RALGAPA1: variants seen among roughly 807,000 people sequenced by gnomAD.
RALGAPA1 encodes the protein ral GTPase-activating protein subunit alpha-1.
A neutral mutation model predicts 269.6 loss-of-function variants in RALGAPA1; 52 were observed. That is an observed-to-expected ratio of 0.19 (90% CI 0.15 to 0.24). The LOEUF is 0.24. Among genes scored for constraint, RALGAPA1 ranks in the 10% least tolerant of loss-of-function variants. The probability of loss-of-function intolerance (pLI) is 1.00; values close to 1 mark genes in which losing one functional copy is unlikely to be tolerated. For missense variants in RALGAPA1, 1,917 were observed against 3,013.9 expected, an observed-to-expected ratio of 0.64 and a Z score of 8.52; for synonymous variants, 817 against 1,008.3, an observed-to-expected ratio of 0.81 and a Z score of 3.60.
intron 16 of RALGAPA1, among the ~76,000 whole-genome samples, chr14:35,717,966 G>A (rs570887754): frequency 6.6e-6 from 1 of 152,072 alleles, no homozygotes; most frequent in Admixed American, 6.6e-5. Context: ...AAAAGCCCTA[G>A]AGCATATTCC....
At chr14:35,696,887 A>G (rs1412731177) in intron 17 of RALGAPA1, among the ~76,000 whole-genome samples, 1 of 152,188 alleles carries the variant, frequency 6.6e-6, no homozygotes, top group Non-Finnish European at 1.5e-5. Flanking sequence ...CCCTTCATAC[A>G]GTTCACTTTC....
chr14:35,714,839 CATTTGAAAGTTTGGTCAGTACACAATTCT>C lies in RALGAPA1; in HGVS notation c.2266+6820_2266+6848del, dbSNP rs1382360539. Among the ~76,000 whole-genome samples, 3 of 152,250 alleles carry C rather than the reference CATTTGAAAGTTTGGTCAGTACACAATTCT, an allele frequency of 2.0e-5. No homozygotes were observed. The East Asian group carries it at 5.8e-4, about 29-fold the overall frequency. On this transcript the variant is annotated intron_variant, in intron 16 of 41. Transcript: ENST00000680220. ...AAGCTTTTGTCTTTGTTTTACCCTC[CATTTGAAAGTTTGGTCAGTACACAATTCT>C]ATAATGATAGTTATTTTTCCTTAGC...
At chr14:35,725,996 C>T (rs2069872088) in intron 13 of RALGAPA1, among the ~76,000 whole-genome samples, 1 of 152,176 alleles carries the variant, frequency 6.6e-6, no homozygotes, top group African/African-American at 2.4e-5. Flanking sequence ...ACTGATACTT[C>T]AAAACTTGAT....
At chr14:35,625,925 C>T (rs1489884757) in intron 34 of RALGAPA1, among the ~76,000 whole-genome samples, 1 of 152,108 alleles carries the variant, frequency 6.6e-6, no homozygotes, top group African/African-American at 2.4e-5. Flanking sequence ...TAAATATGTA[C>T]AAATTATTTT....
chr14:35,799,663 C>G (rs147368699), intron 1 of RALGAPA1, among the ~76,000 whole-genome samples: 1 of 151,250 alleles, frequency 6.6e-6, no homozygotes, highest in East Asian at 1.9e-4. Context: ...TCAACTAATT[C>G]AAAAGAAGGG....
At chr14:35,604,710 C>T (rs1325022097) in intron 36 of RALGAPA1, among the ~76,000 whole-genome samples, 8 of 151,974 alleles carry the variant, frequency 5.3e-5, no homozygotes, top group Non-Finnish European at 1.2e-4. Flanking sequence ...GATACAATTT[C>T]CAGTGTACTA....
intron 16 of RALGAPA1, chr14:35,706,688 T>C (rs909710397): frequency 6.7e-6 from 1 of 149,020 alleles, no homozygotes; most frequent in Admixed American, 6.8e-5. Context: ...GGCACAATCA[T>C]GGCTCACTGC....
At chr14:35,648,465 CAA>C (rs11463848) in intron 31 of RALGAPA1, among the ~76,000 whole-genome samples, 16 of 122,324 alleles carry the variant, frequency 1.3e-4, no homozygotes, top group Non-Finnish European at 1.1e-4. Context: ...AACTCCATCT[CAA>C]AAAAAAAAAA....
chr14:35,767,815 C>G (rs1418954316), intron 4 of RALGAPA1, among the ~76,000 whole-genome samples: 2 of 151,970 alleles, frequency 1.3e-5, no homozygotes, highest in African/African-American at 2.4e-5. Context: ...TTTTTTTACT[C>G]AGGCTAAAAG....
At chr14:35,766,552 C>A in intron 4 of RALGAPA1, 1 of 914,976 alleles carries the variant, frequency 1.1e-6, no homozygotes, top group Non-Finnish European at 1.8e-6. Context: ...TCGAGTATAG[C>A]AAGATCTGAT....
intron 12 of RALGAPA1, among the ~76,000 whole-genome samples, chr14:35,732,065 A>G (rs2070526354): frequency 6.6e-6 from 1 of 152,226 alleles, no homozygotes; most frequent in African/African-American, 2.4e-5. Context: ...GCTAGAAGGG[A>G]TTGGAGCCTT....
At chr14:35,570,434 G>A (rs956103600) in intron 39 of RALGAPA1, among the ~76,000 whole-genome samples, 183 bp downstream of exon 39, 1 of 151,996 alleles carries the variant, frequency 6.6e-6, no homozygotes, top group African/African-American at 2.4e-5. Flanking sequence ...ACCAAGGTGG[G>A]ACAATCATTT....
At chr14:35,793,648 A>G (rs992191489) in intron 1 of RALGAPA1, among the ~76,000 whole-genome samples, 9 of 152,154 alleles carry the variant, frequency 5.9e-5, no homozygotes, top group African/African-American at 2.2e-4. Flanking sequence ...TTTTAACCAA[A>G]CACAACAACA....
chr14:35,576,418 A>T (rs2057562548), intron 37 of RALGAPA1, among the ~76,000 whole-genome samples: 1 of 152,200 alleles, frequency 6.6e-6, no homozygotes, highest in African/African-American at 2.4e-5. Context: ...GATTATCTTT[A>T]AGCTTATGAA....
At chr14:35,546,625 G>A (rs2054484546) in intron 41 of RALGAPA1, among the ~76,000 whole-genome samples, 1 of 151,950 alleles carries the variant, frequency 6.6e-6, no homozygotes, top group Non-Finnish European at 1.5e-5. Context: ...CATAGGGTGT[G>A]CACAGGATAT....
At chr14:35,740,025 T>C (rs2071401453) in intron 11 of RALGAPA1, among the ~76,000 whole-genome samples, 1 of 152,144 alleles carries the variant, frequency 6.6e-6, no homozygotes, top group South Asian at 2.1e-4. Flanking sequence ...TAAAAATATT[T>C]TCAAGGTTTC....
intron 37 of RALGAPA1, among the ~76,000 whole-genome samples, chr14:35,586,986 T>A (rs558086251): frequency 3.0e-4 from 46 of 152,350 alleles, no homozygotes; most frequent in African/African-American, 1.1e-3. Flanking sequence ...TAAAATGAGT[T>A]AGGGAGGATT....
intron 12 of RALGAPA1, 86 bp downstream of exon 12, chr14:35,738,427 T>C: frequency 1.0e-6 from 1 of 956,066 alleles, no homozygotes. Flanking sequence ...TTTATTATAT[T>C]GTGAAAAGTA....
At chr14:35,608,907 G>A (rs1199753890) in intron 35 of RALGAPA1, among the ~76,000 whole-genome samples, 1 of 152,200 alleles carries the variant, frequency 6.6e-6, no homozygotes, top group Non-Finnish European at 1.5e-5. Flanking sequence ...TCAAGCATAT[G>A]TGAAACAACT....
Sources: gnomAD v4.1 joint callset for allele counts (sites outside exome capture counted in the v4.1 genomes callset) on GRCh38, gnomAD v4.1.1 for gene constraint, MANE v1.5 for transcripts, NCBI Gene and HGNC (gene_info 2026-07-23, HGNC 2026-07-21) for gene names.